The following EIF2AK3 variants were observed in gnomAD, a reference collection of about 807,000 sequenced individuals.
EIF2AK3 encodes eukaryotic translation initiation factor 2-alpha kinase 3.
Under a neutral mutation model 113.5 loss-of-function variants are expected in EIF2AK3, and 50 were observed. The observed-to-expected ratio is 0.44, with a 90% CI of 0.35 to 0.56. EIF2AK3 has a LOEUF of 0.56. Among genes scored for constraint, EIF2AK3 ranks in the 20% least tolerant of loss-of-function variants. The pLI is 0.00. For missense variants in EIF2AK3, 1,185 were observed against 1,378.0 expected (o/e 0.86, Z 2.22); for synonymous variants, 448 against 495.4 (o/e 0.90, Z 1.27).
At chr2:88,588,610 T>G in intron 7 of EIF2AK3, 151 bp downstream of exon 7, 1 of 812,664 alleles carries the variant, frequency 1.2e-6, no homozygotes, top group Non-Finnish European at 1.9e-6. Context: ...AAAAATTCAT[T>G]ATTAACATCT....
chr2:88,558,069 G>C lies in EIF2AK3; in HGVS notation c.3151-133C>G, dbSNP rs1286668491. 4.8e-6 allele frequency: 4 copies of C among 828,464 alleles called. No homozygotes were observed. In the Admixed American group the frequency reaches 8.3e-5, roughly 17 times the overall value. 51.3% of individuals were successfully genotyped at this position (828,464 alleles called of 1,614,324 possible). ...GCCATATTCGAGTTTTCAAGTCTCTGATACAACTACTCAGCTCTGCCGTCA... is the reference window on the plus strand; with the variant it reads ...GCCATATTCGAGTTTTCAAGTCTCTCATACAACTACTCAGCTCTGCCGTCA... On this transcript the variant is annotated intron_variant, in intron 16 of 16. Coordinates refer to ENST00000303236, the MANE Select transcript of EIF2AK3 (RefSeq NM_004836.7).
chr2:88,596,988 T>C (rs1050640761), intron 2 of EIF2AK3, among the ~76,000 whole-genome samples: 1 of 152,262 alleles, frequency 6.6e-6, no homozygotes, highest in Non-Finnish European at 1.5e-5. Context: ...CACAATTATT[T>C]TCCTGATTAT....
At chr2:88,576,798 T>C (rs909799288) in intron 11 of EIF2AK3, 95 bp from the exon 12 acceptor site, 1 of 1,340,364 alleles carries the variant, frequency 7.5e-7, no homozygotes, top group Non-Finnish European at 1.0e-6. Context: ...AATATGTAGA[T>C]GTATTATATA....
chr2:88,613,141 G>T (rs1326189946), intron 2 of EIF2AK3, among the ~76,000 whole-genome samples: 1 of 152,156 alleles, frequency 6.6e-6, no homozygotes, highest in East Asian at 1.9e-4. Context: ...GCTCTGAGGG[G>T]CTTGAAGTCA....
intron 1 of EIF2AK3, among the ~76,000 whole-genome samples, chr2:88,618,603 C>G (rs1173795764): frequency 2.6e-5 from 4 of 152,194 alleles, no homozygotes. Context: ...CTAACAAGCA[C>G]CCCAGGTGAG....
intron 2 of EIF2AK3, among the ~76,000 whole-genome samples, chr2:88,601,689 G>A (rs1358219017): frequency 6.6e-6 from 1 of 152,034 alleles, no homozygotes; most frequent in Non-Finnish European, 1.5e-5. Context: ...GAGTTTGGGG[G>A]AGTCAGCCTG....
chr2:88,610,650 A>G (rs779114513), intron 2 of EIF2AK3, among the ~76,000 whole-genome samples: 1 of 152,244 alleles, frequency 6.6e-6, no homozygotes, highest in Non-Finnish European at 1.5e-5. Context: ...GTAAAATGCT[A>G]CTTTTCTCAT....
Position 88,627,147 on chromosome 2 carries a change from G to T in EIF2AK3, c.128C>A (p.Ala43Glu), listed in dbSNP as rs2103992698. 3.5e-6 allele frequency: 5 copies of T among 1,437,942 alleles called. No individual in the cohort carries two copies. Among genetic ancestry groups the T allele is most frequent in the Non-Finnish European group, 3.6e-6 (4 of 1,103,616 alleles). 89.1% of individuals were successfully genotyped at this position (1,437,942 alleles called of 1,614,324 possible). A position where few individuals can be genotyped will look rare whatever the true frequency, so the allele number is the denominator to read the frequency against. The part of the protein sequence containing the change: ...ARGLPAPTAE[A>E]AFGLGAAAAP... ...AGCGGCCGCCCCGAGGCCGAACGCC[G>T]CCTCCGCCGTCGGCGCTGGGAGGCC... The change falls in exon 1 of 17, where the codon GCG becomes GAG. Residue 43 changes from alanine to glutamate, a missense_variant. Ala to Glu is a moderately radical substitution (Grantham distance 107, BLOSUM62 -1). Around this residue, in one of 3 missense-constraint regions of EIF2AK3, gnomAD observed 189 missense variants for 175.2 expected, o/e 1.08. Transcript: ENST00000303236.
At chr2:88,558,498 T>C (rs1260687351) in intron 16 of EIF2AK3, among the ~76,000 whole-genome samples, 1 of 152,212 alleles carries the variant, frequency 6.6e-6, no homozygotes, top group Non-Finnish European at 1.5e-5. Context: ...AAATACATGA[T>C]GACAATTTTT....
intron 4 of EIF2AK3, among the ~76,000 whole-genome samples, chr2:88,592,394 A>G (rs1674909783): frequency 6.6e-6 from 1 of 152,234 alleles, no homozygotes; most frequent in Non-Finnish European, 1.5e-5. Context: ...AATAAGTTCA[A>G]GCTCAAAGAA....
At chr2:88,610,170 T>A (rs751016234) in intron 2 of EIF2AK3, among the ~76,000 whole-genome samples, 1 of 152,102 alleles carries the variant, frequency 6.6e-6, no homozygotes, top group Non-Finnish European at 1.5e-5. Context: ...TCTGCCAATT[T>A]GCGCTTCACA....
At chr2:88,620,866 T>C (rs981240231) in intron 1 of EIF2AK3, among the ~76,000 whole-genome samples, 2 of 152,264 alleles carry the variant, frequency 1.3e-5, no homozygotes, top group African/African-American at 2.4e-5. Flanking sequence ...GACATTTATC[T>C]ACTCTCAGGG....
At chr2:88,576,451 G>C in intron 12 of EIF2AK3, 103 bp downstream of exon 12, 1 of 1,516,100 alleles carries the variant, frequency 6.6e-7, no homozygotes, top group South Asian at 1.2e-5. Flanking sequence ...GAACTCTGCT[G>C]TTCCTTTTCT....
intron 2 of EIF2AK3, among the ~76,000 whole-genome samples, chr2:88,603,091 G>A (rs554961594): frequency 3.9e-4 from 59 of 152,192 alleles, no homozygotes; most frequent in Non-Finnish European, 7.5e-4. Context: ...CCAAGGTGAT[G>A]GGGCAACAGC....
intron 10 of EIF2AK3, among the ~76,000 whole-genome samples, chr2:88,583,011 C>A (rs1361235891): frequency 6.6e-6 from 1 of 152,120 alleles, no homozygotes; most frequent in Non-Finnish European, 1.5e-5. Flanking sequence ...CTTTTAAAAA[C>A]TATCTGTTCT....
At chr2:88,608,970 G>A (rs571818721) in intron 2 of EIF2AK3, among the ~76,000 whole-genome samples, 1 of 151,054 alleles carries the variant, frequency 6.6e-6, no homozygotes, top group African/African-American at 2.4e-5. Flanking sequence ...TTGACTTCAA[G>A]CAATCCACCT....
chr2:88,596,209 C>T (rs887791285), intron 2 of EIF2AK3, among the ~76,000 whole-genome samples: 1 of 152,166 alleles, frequency 6.6e-6, no homozygotes, highest in Non-Finnish European at 1.5e-5. Context: ...TGTCCCATCC[C>T]TTCTTTCATT....
At chr2:88,567,990 A>G (rs546100668) in intron 14 of EIF2AK3, among the ~76,000 whole-genome samples, 131 of 152,162 alleles carry the variant, frequency 8.6e-4, no homozygotes, top group Middle Eastern at 6.8e-3. Flanking sequence ...TTTTTGAGAC[A>G]GAGTCTTGCT....
chr2:88,584,527 G>GA (rs66817563), intron 9 of EIF2AK3, among the ~76,000 whole-genome samples: 1,740 of 73,144 alleles, frequency 0.024, 46 homozygotes, highest in East Asian at 0.039. Flanking sequence ...CCCTGTCTCT[G>GA]AAAAAAAAAA....
Sources: gnomAD v4.1 joint callset for allele counts (sites outside exome capture counted in the v4.1 genomes callset) on GRCh38, gnomAD v4.1.1 for gene constraint, gnomAD v4.1.1 regional missense constraint, MANE v1.5 for transcripts, NCBI Gene and HGNC (gene_info 2026-07-23, HGNC 2026-07-21) for gene names.